ATRNL1: variants seen among roughly 807,000 people sequenced by gnomAD.
ATRNL1 encodes attractin like 1, also known as attractin-like protein 1.
A neutral mutation model predicts 182.7 loss-of-function variants in ATRNL1; 95 were observed. That is an observed-to-expected ratio of 0.52 (90% CI 0.44 to 0.62). The LOEUF (loss-of-function observed/expected upper bound fraction) is 0.62, where lower values mean the gene tolerates loss of function less well. Among genes scored for constraint, ATRNL1 ranks in the 20% least tolerant of loss-of-function variants. The probability of loss-of-function intolerance (pLI) is 0.00; values close to 1 mark genes in which losing one functional copy is unlikely to be tolerated. For synonymous variants in ATRNL1, 576 were observed against 568.3 expected (o/e 1.01, Z -0.19); for missense variants, 1,471 against 1,679.5 (o/e 0.88, Z 2.17).
At chr10:115,858,636 A>G (rs1265232288) in intron 28 of ATRNL1, among the ~76,000 whole-genome samples, 1 of 152,198 alleles carries the variant, frequency 6.6e-6, no homozygotes, top group East Asian at 1.9e-4. Context: ...GCAAACCACC[A>G]TGGCACACGT....
intron 27 of ATRNL1, among the ~76,000 whole-genome samples, chr10:115,749,383 T>C (rs1331511519): frequency 1.3e-5 from 2 of 151,898 alleles, no homozygotes; most frequent in Non-Finnish European, 2.9e-5. Context: ...AGTATTGACA[T>C]TTCCTGGGCT....
intron 25 of ATRNL1, among the ~76,000 whole-genome samples, chr10:115,524,203 A>G (rs1851094894): frequency 6.6e-6 from 1 of 152,178 alleles, no homozygotes; most frequent in African/African-American, 2.4e-5. Context: ...CTGTGACCCA[A>G]ACACCTCCCA....
At chr10:115,569,849 A>T (rs187380409) in intron 26 of ATRNL1, among the ~76,000 whole-genome samples, 1 of 152,074 alleles carries the variant, frequency 6.6e-6, no homozygotes, top group Admixed American at 6.5e-5. Context: ...TGGGTGGCTT[A>T]TAAGAAACAG....
intron 26 of ATRNL1, among the ~76,000 whole-genome samples, chr10:115,575,907 T>A (rs1359993096): frequency 6.6e-6 from 1 of 152,016 alleles, no homozygotes; most frequent in East Asian, 1.9e-4. Context: ...TTGCTCTGCC[T>A]CTCTGCCCTT....
intron 22 of ATRNL1, among the ~76,000 whole-genome samples, chr10:115,465,781 C>T (rs147806197): frequency 1.1e-3 from 173 of 151,612 alleles, no homozygotes; most frequent in African/African-American, 3.9e-3. Flanking sequence ...TTACTATGTA[C>T]TACTCTAAAA....
intron 9 of ATRNL1, among the ~76,000 whole-genome samples, chr10:115,228,753 T>C (rs1849800935): frequency 6.7e-6 from 1 of 150,242 alleles, no homozygotes; most frequent in Admixed American, 6.6e-5. Context: ...ACTTCAATTA[T>C]ATTTCTTTCT....
chr10:115,659,365 A>C (rs12246227), intron 26 of ATRNL1, among the ~76,000 whole-genome samples: 1,770 of 152,050 alleles, frequency 0.012, 37 homozygotes, highest in African/African-American at 0.04. Flanking sequence ...ACAGTTAATT[A>C]TCTGCTTGGT....
At chr10:115,856,466 C>G (rs1430747144) in intron 28 of ATRNL1, among the ~76,000 whole-genome samples, 1 of 83,920 alleles carries the variant, frequency 1.2e-5, no homozygotes, top group Non-Finnish European at 2.7e-5. Flanking sequence ...ACATACTGTT[C>G]GTTGTGAATC....
At chr10:115,285,623 T>C (rs1454922302) in intron 14 of ATRNL1, among the ~76,000 whole-genome samples, 1 of 152,086 alleles carries the variant, frequency 6.6e-6, no homozygotes, top group Non-Finnish European at 1.5e-5. Flanking sequence ...GTTTCATTTT[T>C]AGAAAGACAT....
chr10:115,307,229 T>C (rs927108420), intron 17 of ATRNL1, among the ~76,000 whole-genome samples: 7 of 152,184 alleles, frequency 4.6e-5, no homozygotes, highest in African/African-American at 1.7e-4. Flanking sequence ...CCAATACTAC[T>C]CTAACAGTTA....
intron 27 of ATRNL1, among the ~76,000 whole-genome samples, chr10:115,796,445 G>T (rs1949656065): frequency 6.6e-6 from 1 of 152,098 alleles, no homozygotes; most frequent in Non-Finnish European, 1.5e-5. Flanking sequence ...AGGGGAAGGG[G>T]AAAAGCTCAT....
intron 26 of ATRNL1, among the ~76,000 whole-genome samples, chr10:115,559,000 C>T (rs1554998193): frequency 1.3e-5 from 2 of 152,078 alleles, no homozygotes; most frequent in African/African-American, 4.8e-5. Context: ...TGGCAAGAAG[C>T]TCTTCTCAAG....
intron 8 of ATRNL1, among the ~76,000 whole-genome samples, chr10:115,191,721 C>A (rs1332395147): frequency 6.6e-6 from 1 of 151,990 alleles, no homozygotes; most frequent in Non-Finnish European, 1.5e-5. Flanking sequence ...TCCTCCCTGC[C>A]ACCCTTTGTA....
chr10:115,917,473 A>AAG (rs1467973873), intron 28 of ATRNL1, among the ~76,000 whole-genome samples: 8 of 11,384 alleles, frequency 7.0e-4, no homozygotes, highest in Non-Finnish European at 5.1e-3. Flanking sequence ...CTGTCTCAAA[A>AAG]AAAAAAAAAA....
intron 26 of ATRNL1, among the ~76,000 whole-genome samples, chr10:115,691,743 C>T (rs1946400749): frequency 6.6e-6 from 1 of 152,018 alleles, no homozygotes; most frequent in African/African-American, 2.4e-5. Context: ...ATCAATCAAT[C>T]AATCAATCTA....
At chr10:115,331,790 C>T (rs1450043691) in intron 18 of ATRNL1, among the ~76,000 whole-genome samples, 1 of 152,070 alleles carries the variant, frequency 6.6e-6, no homozygotes, top group Non-Finnish European at 1.5e-5. Flanking sequence ...GTGCTCTGAG[C>T]CCAGCTTTGA....
chr10:115,255,251 T>G (rs1203676012), intron 10 of ATRNL1, among the ~76,000 whole-genome samples: 2 of 152,232 alleles, frequency 1.3e-5, no homozygotes, highest in Non-Finnish European at 2.9e-5. Flanking sequence ...ACGATACTGA[T>G]TCTTCCTATC....
intron 19 of ATRNL1, among the ~76,000 whole-genome samples, chr10:115,383,561 A>T (rs960169234): frequency 4.6e-5 from 7 of 151,972 alleles, no homozygotes; most frequent in African/African-American, 1.2e-4. Flanking sequence ...TATCAATGAA[A>T]AATTTCCAGT....
At chr10:115,148,369 A>C (rs1217098516) in intron 5 of ATRNL1, among the ~76,000 whole-genome samples, 2 of 152,148 alleles carry the variant, frequency 1.3e-5, no homozygotes, top group African/African-American at 4.8e-5. Context: ...TCTAGATATA[A>C]GATTATATCA....
Sources: gnomAD v4.1 joint callset for allele counts (sites outside exome capture counted in the v4.1 genomes callset) on GRCh38, gnomAD v4.1.1 for gene constraint, MANE v1.5 for transcripts, NCBI Gene and HGNC (gene_info 2026-07-23, HGNC 2026-07-21) for gene names.